Variants in VPS45 observed in about 807,000 individuals in gnomAD.
VPS45 encodes the protein vacuolar protein sorting 45 homolog.
In VPS45, 35 loss-of-function variants were observed where a neutral mutation model predicts 75.9. The observed-to-expected ratio is 0.46, with a 90% CI of 0.35 to 0.61. The LOEUF (loss-of-function observed/expected upper bound fraction) is 0.61. Ranked by LOEUF, VPS45 falls within the 20% of genes least tolerant of loss-of-function variation. VPS45 has a pLI of 0.00. For synonymous variants in VPS45, 220 were observed against 238.2 expected (o/e 0.92, Z 0.70); for missense variants, 559 against 685.9 (o/e 0.81, Z 2.07).
intron 14 of VPS45, among the ~76,000 whole-genome samples, chr1:150,126,835 A>G (rs1658546308): frequency 6.6e-6 from 1 of 152,184 alleles, no homozygotes; most frequent in Non-Finnish European, 1.5e-5. Flanking sequence ...GCATCATGGT[A>G]CGCACCTGTA....
Position 150,144,800 on chromosome 1 carries a change from G to C in VPS45, c.*4G>C. ...AAGGTCAGCGAGCAGAAGATGAAACGGTGGTTGGGGGAAGGGCACAGCTTC... is the reference window on the plus strand; with the variant it reads ...AAGGTCAGCGAGCAGAAGATGAAACCGTGGTTGGGGGAAGGGCACAGCTTC... On this transcript the variant is annotated 3_prime_UTR_variant, in exon 15 of 15. Transcript: ENST00000644510. 6.2e-7 allele frequency: 1 copy of C among 1,614,094 alleles called. No homozygotes were observed. Among genetic ancestry groups the C allele is most frequent in the Non-Finnish European group, 8.5e-7 (1 of 1,180,028 alleles).
chr1:150,127,080 G>A (rs1371032223), intron 14 of VPS45, among the ~76,000 whole-genome samples: 2 of 152,028 alleles, frequency 1.3e-5, no homozygotes, highest in Admixed American at 6.6e-5. Context: ...TGATAATTTG[G>A]TAAAACACTT....
At chr1:150,089,554 G>A (rs934379208) in intron 10 of VPS45, among the ~76,000 whole-genome samples, 1 of 151,932 alleles carries the variant, frequency 6.6e-6, no homozygotes, top group Admixed American at 6.6e-5. Context: ...TAGAGAGGGA[G>A]TTTCACCATG....
chr1:150,082,916 T>C lies in VPS45; in HGVS notation c.1104+33T>C, dbSNP rs150264821. ...CAATTTGATGAGCACCTACTATGTG[T>C]AAGGCACTGTGCCAGGCAGAGCAAG... On this transcript the variant is annotated intron_variant, in intron 10 of 14. Transcript: ENST00000644510. 3 of 1,595,898 alleles carry C rather than the reference T, an allele frequency of 1.9e-6. No homozygotes were observed. The East Asian group carries it at 6.8e-5, about 36-fold the overall frequency.
chr1:150,069,541 CCGCCTCCCGGGTTCA>C (rs1654919389), intron 2 of VPS45, among the ~76,000 whole-genome samples: 1 of 143,970 alleles, frequency 6.9e-6, no homozygotes, highest in Admixed American at 7.3e-5. Context: ...ACTGCAAGCT[CCGCCTCCCGGGTTCA>C]CGCCATTCTC....
chr1:150,078,919 G>C (rs1553798695), intron 7 of VPS45, among the ~76,000 whole-genome samples: 2 of 151,930 alleles, frequency 1.3e-5, no homozygotes, highest in African/African-American at 4.8e-5. Context: ...AGACCAGCCT[G>C]GCCAACATGA....
At chr1:150,141,333 AT>A (rs1659383313) in intron 14 of VPS45, among the ~76,000 whole-genome samples, 1 of 152,170 alleles carries the variant, frequency 6.6e-6, no homozygotes, top group African/African-American at 2.4e-5. Flanking sequence ...AGAAATTCAC[AT>A]GTAATTTTTA....
chr1:150,131,069 G>A (rs1553812252), intron 14 of VPS45, among the ~76,000 whole-genome samples: 2 of 152,150 alleles, frequency 1.3e-5, no homozygotes, highest in Admixed American at 1.3e-4. Flanking sequence ...GCATCAGAGG[G>A]TGTAAGCGTT....
intron 14 of VPS45, among the ~76,000 whole-genome samples, chr1:150,114,467 CAAA>C (rs1281790882): frequency 1.1e-4 from 13 of 122,660 alleles, no homozygotes; most frequent in African/African-American, 9.2e-5. Context: ...AACACCATCT[CAAA>C]AAAAAAAAAA....
rs188622484 is a variant in VPS45 at position 150,076,342 on chromosome 1, G to A, written c.369+30G>A. Reference sequence around the variant, plus strand: ...ACATATTGGTCCTGTAACACATCTCGTATGTTGGCCCTTTTTAAATATTTG... The same window carrying A: ...ACATATTGGTCCTGTAACACATCTCATATGTTGGCCCTTTTTAAATATTTG... On this transcript the variant is annotated intron_variant, in intron 4 of 14. Transcript: ENST00000644510. 3.2e-4 allele frequency: 487 copies of A among 1,541,414 alleles called. 4 individuals carry two copies. The Admixed American group carries it at 8.3e-3, about 26-fold the overall frequency.
chr1:150,075,248 AC>A (rs1655312575), intron 3 of VPS45, among the ~76,000 whole-genome samples: 1 of 146,690 alleles, frequency 6.8e-6, no homozygotes. Context: ...AGGTCCTCCC[AC>A]CCCTGCCCCT....
chr1:150,110,468 G>A, intron 13 of VPS45, 28 bp from the exon 14 acceptor site: 2 of 1,581,196 alleles, frequency 1.3e-6, no homozygotes, highest in East Asian at 2.3e-5. Context: ...CTTATCCTGT[G>A]ATAATATCTC....
chr1:150,098,795 A>C, intron 13 of VPS45: 1 of 1,063,738 alleles, frequency 9.4e-7, no homozygotes, highest in South Asian at 1.4e-5. Flanking sequence ...ATCATTCTGC[A>C]GATGGGATTC....
At chr1:150,099,038 G>T in intron 13 of VPS45, 1 of 1,094,046 alleles carries the variant, frequency 9.1e-7, no homozygotes, top group Non-Finnish European at 1.1e-6. Flanking sequence ...TTTTTCATTG[G>T]CCTTTTTTCC....
At chr1:150,099,018 G>A (rs1241975130) in intron 13 of VPS45, 2 of 1,097,376 alleles carry the variant, frequency 1.8e-6, no homozygotes, top group African/African-American at 3.4e-5. Flanking sequence ...TTTCTGTGAA[G>A]CAGCAGTCCT....
chr1:150,093,581 C>G lies in VPS45; in HGVS notation c.1426C>G (p.His476Asp). ...HQPFLHETLD[H>D]LIKGRLKENL... ...ACCTTTCCTACATGAAACCCTGGAT[C>G]ATCTCATCAAAGGAAGGCTTAAGGA... The change falls in exon 13 of 15, where the codon CAT (histidine) becomes GAT (aspartate). Residue 476 changes from histidine (H) to aspartate (D), a missense_variant. His to Asp is a moderately conservative substitution (Grantham distance 81). Coordinates refer to ENST00000644510, the MANE Select transcript of VPS45 (RefSeq NM_007259.5). 6.2e-7 allele frequency: 1 copy of G among 1,613,942 alleles called. No homozygotes were observed. Among genetic ancestry groups the G allele is most frequent in the Non-Finnish European group, 8.5e-7 (1 of 1,179,958 alleles).
intron 13 of VPS45, among the ~76,000 whole-genome samples, chr1:150,097,519 G>C (rs1295558033): frequency 6.6e-6 from 1 of 151,050 alleles, no homozygotes; most frequent in Non-Finnish European, 1.5e-5. Context: ...AGGAGTTTGA[G>C]ACCAGCCTGG....
chr1:150,077,593 T>C (rs1553798386), intron 6 of VPS45, 76 bp from the exon 7 acceptor site: 1 of 1,024,332 alleles, frequency 9.8e-7, no homozygotes, highest in Non-Finnish European at 1.5e-6. Flanking sequence ...AATGTAGTGT[T>C]TATTAATTTC....
intron 14 of VPS45, among the ~76,000 whole-genome samples, chr1:150,122,935 G>A (rs149741573): frequency 5.8e-4 from 83 of 143,928 alleles, no homozygotes; most frequent in Middle Eastern, 3.9e-3. Context: ...GGAGGCGGAG[G>A]TTGCATCACG....
Sources: allele counts gnomAD v4.1 joint callset (sites outside exome capture counted in the v4.1 genomes callset), GRCh38; gene constraint gnomAD v4.1.1; transcripts MANE v1.5; gene names NCBI Gene and HGNC (gene_info 2026-07-23, HGNC 2026-07-21).